Variants in CSPP1 observed in about 807,000 individuals in gnomAD.
CSPP1 encodes the protein centrosome and spindle pole associated protein 1, also known as centrosome and spindle pole-associated protein 1.
In CSPP1, 126 loss-of-function variants were observed where a neutral mutation model predicts 164.4. That is an observed-to-expected ratio of 0.77 (90% confidence interval 0.66 to 0.89). CSPP1 has a LOEUF of 0.89. Among genes scored for constraint, CSPP1 ranks in the 40% least tolerant of loss-of-function variants. CSPP1 has a pLI of 0.00. For missense variants in CSPP1, 1,395 were observed against 1,449.8 expected, an observed-to-expected ratio of 0.96 and a Z score of 0.61; for synonymous variants, 472 against 476.7, an observed-to-expected ratio of 0.99 and a Z score of 0.13.
At chr8:67,187,507 C>A (rs1005053816) in intron 28 of CSPP1, among the ~76,000 whole-genome samples, 2 of 152,144 alleles carry the variant, frequency 1.3e-5, no homozygotes, top group South Asian at 4.2e-4. Context: ...CAAAACAACA[C>A]CTTGTCTCTA....
intron 3 of CSPP1, among the ~76,000 whole-genome samples, chr8:67,081,950 C>T (rs930102519): frequency 2.6e-5 from 4 of 152,118 alleles, no homozygotes; most frequent in Admixed American, 6.5e-5. Flanking sequence ...TATGTTGCCC[C>T]GGCTGGTTTT....
Position 67,175,366 on chromosome 8 carries a change from T to C in CSPP1, c.3039T>C (p.Ile1013=). 2 of 1,614,156 alleles carry C rather than the reference T, an allele frequency of 1.2e-6. No homozygotes were observed. Among genetic ancestry groups the C allele is most frequent in the Non-Finnish European group, 1.7e-6 (2 of 1,179,992 alleles). The change falls in exon 26 of 31, where the codon ATT becomes ATC. Residue 1013 remains isoleucine, a synonymous_variant. Transcript: ENST00000678616. ...DPPRDHHTLE[I]QQQALLREQQ... Reference sequence around the variant, plus strand: ...CAAGAGATCATCACACCTTAGAGATTCAGCAGCAAGCCCTGCTAAGAGAGC... The same window carrying C: ...CAAGAGATCATCACACCTTAGAGATCCAGCAGCAAGCCCTGCTAAGAGAGC...
intron 18 of CSPP1, among the ~76,000 whole-genome samples, chr8:67,150,492 C>T (rs1196991432): frequency 2.0e-5 from 3 of 151,992 alleles, no homozygotes; most frequent in Non-Finnish European, 4.4e-5. Flanking sequence ...GCAACCTCCA[C>T]CTCCTGGGTT....
chr8:67,172,427 G>A lies in CSPP1; in HGVS notation c.2840G>A (p.Arg947Lys). The part of the protein sequence containing the change: ...DDEIPIRKKE[R>K]NPMDIFDMAR... Reference sequence around the variant, plus strand: ...TCATTTATCTATAGGAAAAAGGAAAGGAATCCCATGGATATATTTGATATG... The same window carrying A: ...TCATTTATCTATAGGAAAAAGGAAAAGAATCCCATGGATATATTTGATATG... Residue 947 changes from arginine (R) to lysine (K), a missense_variant, in exon 25 of 31, where the codon AGG (arginine) becomes AAG (lysine). Coordinates refer to ENST00000678616, the MANE Select transcript of CSPP1 (RefSeq NM_001382391.1). 1.9e-6 allele frequency: 3 copies of A among 1,611,864 alleles called. No individual in the cohort carries two copies. Among genetic ancestry groups the A allele is most frequent in the Non-Finnish European group, 2.5e-6 (3 of 1,178,480 alleles).
chr8:67,183,055 A>G (rs1381564982), intron 28 of CSPP1, among the ~76,000 whole-genome samples: 2 of 152,212 alleles, frequency 1.3e-5, no homozygotes, highest in Non-Finnish European at 2.9e-5. Context: ...GCCAAATCCA[A>G]TACCATGAAG....
chr8:67,183,964 T>G (rs1378169608), intron 28 of CSPP1, among the ~76,000 whole-genome samples: 1 of 150,864 alleles, frequency 6.6e-6, no homozygotes, highest in African/African-American at 2.4e-5. Flanking sequence ...GCGATTCTCC[T>G]GACTCAGTCT....
chr8:67,126,742 C>T (rs755749950), intron 15 of CSPP1, among the ~76,000 whole-genome samples: 1 of 152,118 alleles, frequency 6.6e-6, no homozygotes, highest in Non-Finnish European at 1.5e-5. Context: ...TTTCAAGACC[C>T]CATGGGCATG....
At chr8:67,172,301 A>G (rs552419303) in intron 24 of CSPP1, 115 bp from the exon 25 acceptor site, 2 of 764,092 alleles carry the variant, frequency 2.6e-6, no homozygotes, top group South Asian at 3.6e-5. Flanking sequence ...TCCTAGAGTA[A>G]TTTTTTAATA....
intron 1 of CSPP1, 60 bp downstream of exon 1, chr8:67,064,598 C>G (rs1805124862): frequency 8.1e-7 from 1 of 1,233,228 alleles, no homozygotes; most frequent in Non-Finnish European, 1.0e-6. Context: ...TTCGCTGCCC[C>G]GGAGCGGGGG....
intron 17 of CSPP1, among the ~76,000 whole-genome samples, chr8:67,148,907 C>T (rs1226301275): frequency 6.6e-6 from 1 of 152,106 alleles, no homozygotes; most frequent in East Asian, 1.9e-4. Context: ...AATGAATTAA[C>T]CCAAAACTTG....
intron 28 of CSPP1, among the ~76,000 whole-genome samples, chr8:67,185,251 CA>C (rs1210085943): frequency 2.0e-5 from 3 of 152,154 alleles, no homozygotes; most frequent in Non-Finnish European, 2.9e-5. Flanking sequence ...AAGTGCATGC[CA>C]CCAGCCAATG....
intron 27 of CSPP1, 33 bp downstream of exon 27, chr8:67,177,759 T>A: frequency 6.7e-7 from 1 of 1,496,872 alleles, no homozygotes; most frequent in Non-Finnish European, 9.3e-7. Flanking sequence ...TCAAGTTAGT[T>A]TTTGGGGGAT....
At chr8:67,089,719 TTGAA>T (rs533620799) in intron 4 of CSPP1, among the ~76,000 whole-genome samples, 13 of 152,200 alleles carry the variant, frequency 8.5e-5, no homozygotes, top group Admixed American at 3.9e-4. Flanking sequence ...TCAGTATTTA[TTGAA>T]TGAATGAATG....
At position 67,095,332 on chromosome 8, in the gene CSPP1, A is replaced by G; in HGVS notation, c.523A>G (p.Lys175Glu). ...AAATAAAAAACCTATTGGTCAAGTT[A>G]AGCCTGATCTAACTTCACAAATACA... ...QRNKKPIGQV[K>E]PDLTSQIQTS... Residue 175 changes from lysine to glutamate, a missense_variant, in exon 7 of 31, where the codon AAG becomes GAG. Transcript: ENST00000678616. 1.3e-6 allele frequency: 2 copies of G among 1,595,298 alleles called. No individual in the cohort carries two copies. The highest frequency in any genetic ancestry group is 8.5e-7 in the Non-Finnish European group (1 of 1,175,184).
At chr8:67,159,504 G>C in intron 21 of CSPP1, among the ~76,000 whole-genome samples, 1 of 103,282 alleles carries the variant, frequency 9.7e-6, no homozygotes, top group African/African-American at 3.5e-5. Flanking sequence ...ATATATATAT[G>C]TATTCTTTTT....
intron 7 of CSPP1, 131 bp downstream of exon 7, chr8:67,095,863 T>C: frequency 4.9e-6 from 3 of 617,942 alleles, no homozygotes; most frequent in Non-Finnish European, 8.3e-6. Context: ...TCTAAGATGC[T>C]GTCAGTTTTA....
intron 19 of CSPP1, among the ~76,000 whole-genome samples, chr8:67,154,502 G>A (rs1022594015): frequency 6.6e-6 from 1 of 152,150 alleles, no homozygotes. Context: ...GAGTAGCTGG[G>A]ACTACAGGTG....
chr8:67,190,614 T>C (rs1207422336), intron 28 of CSPP1, 36 bp from the exon 29 acceptor site: 1 of 1,473,264 alleles, frequency 6.8e-7, no homozygotes, highest in African/African-American at 1.4e-5. Flanking sequence ...TTTGAAGCAG[T>C]ATTAAGACTC....
At chr8:67,082,000 TAA>T (rs1809295155) in intron 3 of CSPP1, among the ~76,000 whole-genome samples, 1 of 152,198 alleles carries the variant, frequency 6.6e-6, no homozygotes, top group South Asian at 2.1e-4. Context: ...CTCTGGCTCC[TAA>T]GTAGTTGAGA....
Sources: gnomAD v4.1 joint callset for allele counts (sites outside exome capture counted in the v4.1 genomes callset) on GRCh38, gnomAD v4.1.1 for gene constraint, MANE v1.5 for transcripts, NCBI Gene and HGNC (gene_info 2026-07-23, HGNC 2026-07-21) for gene names.